The following GIT2 variants were observed in gnomAD, a reference collection of about 807,000 sequenced individuals.
GIT2 encodes GIT ArfGAP 2, also known as ARF GTPase-activating protein GIT2.
A neutral mutation model predicts 100.3 loss-of-function variants in GIT2; 32 were observed. That is an observed-to-expected ratio of 0.32 (90% CI 0.24 to 0.43). The LOEUF (loss-of-function observed/expected upper bound fraction) is 0.43, where lower values mean the gene tolerates loss of function less well. GIT2 is among the 20% of genes least tolerant of loss of function. The pLI is 1.00. For synonymous variants in GIT2, 353 were observed against 364.1 expected, an observed-to-expected ratio of 0.97 and a Z score of 0.35; for missense variants, 737 against 975.1, an observed-to-expected ratio of 0.76 and a Z score of 3.25.
chr12:109,977,238 A>T (rs959228099), intron 7 of GIT2, among the ~76,000 whole-genome samples: 3 of 152,158 alleles, frequency 2.0e-5, no homozygotes, highest in African/African-American at 7.2e-5. Flanking sequence ...TAATAATAAT[A>T]AAAAAGGAGC....
intron 1 of GIT2, 194 bp from the exon 2 acceptor site, chr12:109,991,954 A>G: frequency 2.0e-6 from 1 of 502,652 alleles, no homozygotes; most frequent in Non-Finnish European, 3.5e-6. Flanking sequence ...ATGTTAATTG[A>G]GACTAAAAAC....
intron 7 of GIT2, among the ~76,000 whole-genome samples, chr12:109,979,671 A>T (rs981617301): frequency 8.5e-5 from 13 of 152,280 alleles, no homozygotes; most frequent in African/African-American, 2.9e-4. Context: ...CCACCAGCTG[A>T]TGACACTTTT....
intron 12 of GIT2, among the ~76,000 whole-genome samples, chr12:109,958,777 A>G (rs923764200): frequency 2.0e-5 from 3 of 152,214 alleles, no homozygotes; most frequent in Non-Finnish European, 4.4e-5. Context: ...ATGACTTACA[A>G]TGAAAAACGT....
intron 4 of GIT2, among the ~76,000 whole-genome samples, chr12:109,985,598 C>T (rs527597103): frequency 3.2e-4 from 49 of 152,060 alleles, no homozygotes; most frequent in African/African-American, 1.2e-3. Context: ...GCCTGTAATC[C>T]CAGTACTTTG....
At chr12:109,940,378 T>C (rs1874324393) in intron 16 of GIT2, 1 of 152,228 alleles carries the variant, frequency 6.6e-6, no homozygotes. Context: ...CTAAACCACT[T>C]ACCTTATAAA....
chr12:109,958,163 C>A lies in GIT2; in HGVS notation c.1099+1684G>T, dbSNP rs533459265. Among the ~76,000 whole-genome samples, 153 of 152,098 alleles carry A rather than the reference C, an allele frequency of 1.0e-3. 1 individual carries two copies. The Middle Eastern group carries it at 0.01, about 10-fold the overall frequency. On this transcript the variant is annotated intron_variant, in intron 12 of 19. Transcript: ENST00000355312. Reference sequence around the variant, plus strand: ...GTTTCACCATGTTAGCCAAGATGGTCTCAATCTCCTGACCTCGTGATCTGC... The same window carrying A: ...GTTTCACCATGTTAGCCAAGATGGTATCAATCTCCTGACCTCGTGATCTGC...
intron 6 of GIT2, 138 bp from the exon 7 acceptor site, chr12:109,981,184 G>A (rs1029648820): frequency 1.5e-5 from 10 of 662,836 alleles, no homozygotes; most frequent in Non-Finnish European, 2.2e-5. Context: ...CTTGTGGTAG[G>A]TAGATTTCTG....
At chr12:109,990,135 C>A (rs1435509610) in intron 2 of GIT2, among the ~76,000 whole-genome samples, 1 of 152,178 alleles carries the variant, frequency 6.6e-6, no homozygotes, top group African/African-American at 2.4e-5. Flanking sequence ...CATGTACTGT[C>A]TATATTATTC....
chr12:109,958,127 G>A (rs958845179), intron 12 of GIT2, among the ~76,000 whole-genome samples: 1 of 151,332 alleles, frequency 6.6e-6, no homozygotes, highest in Non-Finnish European at 1.5e-5. Context: ...TGTAGTTTTA[G>A]TAGAGACGGG....
upstream of GIT2, chr12:109,999,764 G>A (rs966165725): frequency 5.2e-6 from 8 of 1,530,056 alleles, no homozygotes; most frequent in Admixed American, 2.0e-5. The surrounding 1 kb of genome is among the most constrained non-coding windows in gnomAD (Gnocchi z 4.3). Context: ...CCGGCAGCTC[G>A]AGAAGGAGCT....
chr12:109,931,078 A>G lies in GIT2; in HGVS notation c.*1900T>C, dbSNP rs1871560025. On this transcript the variant is annotated 3_prime_UTR_variant, in exon 20 of 20. Transcript: ENST00000355312. Reference sequence around the variant, plus strand: ...CAAAAGCATCCACACACGGTGACTTAGTAAAGCAAGCACCGTCGGGGTGCT... The same window carrying G: ...CAAAAGCATCCACACACGGTGACTTGGTAAAGCAAGCACCGTCGGGGTGCT... 1 of 152,268 alleles carries G rather than the reference A, an allele frequency of 6.6e-6. No individual in the cohort carries two copies. The highest frequency in any genetic ancestry group is 1.5e-5 in the Non-Finnish European group (1 of 68,050). The allele number at this position is 152,268 out of a possible 1,614,324, so 9.4% of individuals were successfully genotyped here.
At chr12:109,940,001 G>A (rs1412506694) in intron 16 of GIT2, 1 of 152,168 alleles carries the variant, frequency 6.6e-6, no homozygotes, top group Non-Finnish European at 1.5e-5. Context: ...CAAAAAAGCT[G>A]GGTGGCCCAC....
intron 8 of GIT2, among the ~76,000 whole-genome samples, chr12:109,966,536 A>G (rs1442521476): frequency 1.3e-5 from 2 of 151,208 alleles, no homozygotes; most frequent in Non-Finnish European, 2.9e-5. Flanking sequence ...AAAAGAAAGA[A>G]AAGAAAATAC....
upstream of GIT2, among the ~76,000 whole-genome samples, chr12:109,997,003 A>G (rs991131020): frequency 6.6e-6 from 1 of 151,762 alleles, no homozygotes; most frequent in African/African-American, 2.4e-5. Context: ...CGAGGTCAGG[A>G]GTTCAAGACC....
At chr12:109,945,419 T>G (rs1208689059) in intron 15 of GIT2, 70 bp from the exon 16 acceptor site, 5 of 771,384 alleles carry the variant, frequency 6.5e-6, no homozygotes, top group Non-Finnish European at 1.1e-5. Context: ...CTTGCCAGCT[T>G]CAGTAAAAGA....
At position 109,948,986 on chromosome 12, in the gene GIT2, C is replaced by A; in HGVS notation, c.1393-1482G>T. 1 of 614,708 alleles carries A rather than the reference C, an allele frequency of 1.6e-6. No homozygotes were observed. The highest frequency in any genetic ancestry group is 2.8e-6 in the Non-Finnish European group (1 of 357,806). The allele number at this position is 614,708 out of a possible 1,614,324, so 38.1% of individuals were successfully genotyped here. A position where few individuals can be genotyped will look rare whatever the true frequency, so the allele number is the denominator to read the frequency against. On this transcript the variant is annotated intron_variant, in intron 14 of 19. Transcript: ENST00000355312. The surrounding 1 kb of genome is among the most constrained non-coding windows in gnomAD (Gnocchi z 4.3). ...TCCATATACTTTATATTAATCATGC[C>A]AAACTGCTGTGAAAGTGTGACTTAC...
At chr12:109,992,047 C>T in intron 1 of GIT2, 2 of 276,974 alleles carry the variant, frequency 7.2e-6, no homozygotes, top group Admixed American at 5.1e-5. Context: ...TCTACCATTT[C>T]AGATGCATGC....
intron 4 of GIT2, among the ~76,000 whole-genome samples, chr12:109,985,103 T>A (rs1038497173): frequency 6.6e-6 from 1 of 152,126 alleles, no homozygotes; most frequent in Non-Finnish European, 1.5e-5. Context: ...AATGAAGAAA[T>A]CTACTCTAAC....
chr12:109,952,947 T>C (rs1479978370), intron 13 of GIT2, 145 bp downstream of exon 13: 6 of 697,256 alleles, frequency 8.6e-6, no homozygotes, highest in Non-Finnish European at 1.4e-5. Context: ...GGGACAAGGA[T>C]CCCTATTTTA....
Sources: allele counts gnomAD v4.1 joint callset (sites outside exome capture counted in the v4.1 genomes callset), GRCh38; gene constraint gnomAD v4.1.1; non-coding constraint Gnocchi (gnomAD v3.1); transcripts MANE v1.5; gene names NCBI Gene and HGNC (gene_info 2026-07-23, HGNC 2026-07-21).